LNX1: variants seen among roughly 807,000 people sequenced by gnomAD.
LNX1 encodes the protein E3 ubiquitin-protein ligase LNX.
A neutral mutation model predicts 68.4 loss-of-function variants in LNX1; 54 were observed. That is an observed-to-expected ratio of 0.79 (90% CI 0.63 to 0.99). LNX1 has a LOEUF of 0.99. LNX1 is among the 50% of genes least tolerant of loss of function. The pLI is 0.00. For synonymous variants in LNX1, 336 were observed against 350.0 expected, an observed-to-expected ratio of 0.96 and a Z score of 0.45; for missense variants, 906 against 926.4, an observed-to-expected ratio of 0.98 and a Z score of 0.29.
chr4:53,569,083 C>T (rs1324963759), intron 2 of LNX1, among the ~76,000 whole-genome samples: 1 of 151,646 alleles, frequency 6.6e-6, no homozygotes, highest in African/African-American at 2.4e-5. Flanking sequence ...AATGGCCATA[C>T]TGCCCAAGGT....
rs529586729 is a variant in LNX1, at chr4:53,547,636, G to A, written c.380+25987C>T. Among the ~76,000 whole-genome samples, 5 of 152,278 alleles carry A rather than the reference G, an allele frequency of 3.3e-5. No homozygotes were observed. The East Asian group carries it at 7.7e-4, about 24-fold the overall frequency. On this transcript the variant is annotated intron_variant, in intron 2 of 10. Coordinates refer to ENST00000263925, the MANE Select transcript of LNX1 (RefSeq NM_001126328.3). ...GAGCTGCTAACAAAGGAAGAAAGTC[G>A]GGAAGGGCTCACAGGTACATTCTTG...
upstream of LNX1, among the ~76,000 whole-genome samples, chr4:53,621,270 T>C (rs1323023911): frequency 6.6e-6 from 1 of 152,192 alleles, no homozygotes; most frequent in South Asian, 2.1e-4. Flanking sequence ...TTATATTCCC[T>C]GTGCAGTGCC....
intron 1 of LNX1, among the ~76,000 whole-genome samples, chr4:53,590,873 T>C (rs1302757304): frequency 6.6e-6 from 1 of 152,180 alleles, no homozygotes; most frequent in African/African-American, 2.4e-5. Context: ...GCACAGCTTC[T>C]GAATAGGGCA....
At chr4:53,495,743 C>T (rs1431959286) in intron 6 of LNX1, among the ~76,000 whole-genome samples, 2 of 152,104 alleles carry the variant, frequency 1.3e-5, no homozygotes, top group African/African-American at 2.4e-5. Flanking sequence ...GGGGTTTCAC[C>T]CTGTTGGCCA....
chr4:53,571,498 AGAG>A lies in LNX1; in HGVS notation c.380+2122_380+2124del, dbSNP rs551246372. Among the ~76,000 whole-genome samples the A allele has an allele frequency of 1.4e-4, 21 of 152,234 alleles. 1 individual carries two copies. The Middle Eastern group carries it at 0.014, about 99-fold the overall frequency. On this transcript the variant is annotated intron_variant, in intron 2 of 10. Coordinates refer to ENST00000263925, the MANE Select transcript of LNX1 (RefSeq NM_001126328.3). ...CTATGCGGCTGGCTCTGAAGATGGA[AGAG>A]GAGGCCACGAGCCAAGGAAGACAGG...
chr4:53,558,418 G>T, intron 2 of LNX1: 1 of 318,842 alleles, frequency 3.1e-6, no homozygotes, highest in Non-Finnish European at 4.5e-6. Flanking sequence ...CTGCCCTCCA[G>T]TTTGCTATAG....
chr4:53,647,319 G>A (rs761296183), intron 1 of LNX1, among the ~76,000 whole-genome samples: 9 of 152,204 alleles, frequency 5.9e-5, no homozygotes, highest in Non-Finnish European at 1.0e-4. Context: ...ATAATGCAGA[G>A]TGTCTCTTTT....
intron 1 of LNX1, among the ~76,000 whole-genome samples, chr4:53,648,056 C>T (rs188565834): frequency 5.3e-5 from 8 of 152,356 alleles, no homozygotes; most frequent in Non-Finnish European, 1.0e-4. Context: ...ATAATGCTGC[C>T]ATAAATATGG....
intron 2 of LNX1, among the ~76,000 whole-genome samples, chr4:53,552,713 C>T (rs1406971736): frequency 6.6e-6 from 1 of 151,266 alleles, no homozygotes; most frequent in African/African-American, 2.4e-5. Flanking sequence ...CCTGTAGTCC[C>T]AGCTACTCGG....
At chr4:53,604,898 A>G (rs1049389384) in intron 2 of LNX1, among the ~76,000 whole-genome samples, 1 of 152,246 alleles carries the variant, frequency 6.6e-6, no homozygotes, top group Non-Finnish European at 1.5e-5. Flanking sequence ...ATAGAATTCC[A>G]GGGCAAGTAA....
chr4:53,558,429 C>T (rs769125617), intron 2 of LNX1, among the ~76,000 whole-genome samples: 3 of 152,176 alleles, frequency 2.0e-5, no homozygotes, highest in Non-Finnish European at 4.4e-5. Context: ...TTTGCTATAG[C>T]GACACTGTAA....
intron 1 of LNX1, among the ~76,000 whole-genome samples, chr4:53,635,027 A>T (rs541755232): frequency 6.6e-6 from 1 of 152,010 alleles, no homozygotes; most frequent in African/African-American, 2.4e-5. Context: ...AAGAAGTCTC[A>T]CTATGTTGCC....
At chr4:53,629,330 T>A (rs1734185991) in intron 1 of LNX1, among the ~76,000 whole-genome samples, 1 of 152,066 alleles carries the variant, frequency 6.6e-6, no homozygotes, top group Non-Finnish European at 1.5e-5. Context: ...ACCAGAATAA[T>A]GGCTGCAAGG....
intron 1 of LNX1, chr4:53,652,110 G>A (rs1478293092): frequency 6.6e-6 from 1 of 151,926 alleles, no homozygotes; most frequent in Non-Finnish European, 1.5e-5. Flanking sequence ...GGGCAGAGGT[G>A]AAGTTTTTTT....
intron 1 of LNX1, among the ~76,000 whole-genome samples, chr4:53,640,427 A>C (rs571025664): frequency 6.6e-6 from 1 of 152,340 alleles, no homozygotes; most frequent in Admixed American, 6.5e-5. Context: ...AAAAGTAAAC[A>C]GAAAAAAATG....
intron 2 of LNX1, among the ~76,000 whole-genome samples, chr4:53,538,896 C>T (rs1180895188): frequency 6.6e-6 from 1 of 152,174 alleles, no homozygotes; most frequent in Non-Finnish European, 1.5e-5. Flanking sequence ...TGTTCTGTAA[C>T]TTCTGGAAGT....
At chr4:53,501,292 T>TG (rs1725459729) in intron 4 of LNX1, among the ~76,000 whole-genome samples, 1 of 37,094 alleles carries the variant, frequency 2.7e-5, no homozygotes, top group Non-Finnish European at 5.9e-5. Flanking sequence ...TTTTTTTTTT[T>TG]TTTTTTTGGG....
intron 2 of LNX1, among the ~76,000 whole-genome samples, chr4:53,568,526 C>A (rs1730880631): frequency 6.6e-6 from 1 of 151,238 alleles, no homozygotes; most frequent in South Asian, 2.1e-4. Flanking sequence ...TATGACAAAC[C>A]TACAGCCAAT....
At chr4:53,576,435 C>G in intron 1 of LNX1, 1 of 1,434,942 alleles carries the variant, frequency 7.0e-7, no homozygotes. Context: ...ACAGGCACCT[C>G]AGATGGTGCC....
Sources: allele counts gnomAD v4.1 joint callset (sites outside exome capture counted in the v4.1 genomes callset), GRCh38; gene constraint gnomAD v4.1.1; transcripts MANE v1.5; gene names NCBI Gene and HGNC (gene_info 2026-07-23, HGNC 2026-07-21).